GRM3: variants seen among roughly 807,000 people sequenced by gnomAD.
GRM3 encodes the protein glutamate metabotropic receptor 3.
Under a neutral mutation model 70.5 loss-of-function variants are expected in GRM3, and 26 were observed. That is an observed-to-expected ratio of 0.37 (90% CI 0.27 to 0.51). The LOEUF (loss-of-function observed/expected upper bound fraction) is 0.51. GRM3 is among the 20% of genes least tolerant of loss of function. The pLI is 0.93. For missense variants in GRM3, 859 were observed against 1,123.8 expected, an observed-to-expected ratio of 0.76 and a Z score of 3.37; for synonymous variants, 443 against 434.9, an observed-to-expected ratio of 1.02 and a Z score of -0.23.
chr7:86,799,554 T>C (rs1797634904), intron 3 of GRM3, among the ~76,000 whole-genome samples: 2 of 151,818 alleles, frequency 1.3e-5, no homozygotes, highest in South Asian at 4.2e-4. Flanking sequence ...TTAGAAGGAG[T>C]CTCACTCTGT....
At chr7:86,648,728 GA>G (rs146853310) in intron 1 of GRM3, among the ~76,000 whole-genome samples, 12 of 147,288 alleles carry the variant, frequency 8.1e-5, no homozygotes, top group East Asian at 2.0e-4. Context: ...AGAAAAGCCT[GA>G]AAAAAAAAAC....
At chr7:86,723,187 C>A (rs933782822) in intron 1 of GRM3, among the ~76,000 whole-genome samples, 12 of 151,688 alleles carry the variant, frequency 7.9e-5, no homozygotes, top group Non-Finnish European at 1.6e-4. Context: ...ATGGGCAGAA[C>A]CCTATGAAAA....
At chr7:86,700,789 G>A (rs948919235) in intron 1 of GRM3, among the ~76,000 whole-genome samples, 3 of 151,718 alleles carry the variant, frequency 2.0e-5, no homozygotes, top group Non-Finnish European at 4.4e-5. Flanking sequence ...AGAAATTATT[G>A]TTTCTGCTGT....
chr7:86,683,364 C>A (rs1289408022), intron 1 of GRM3, among the ~76,000 whole-genome samples: 1 of 152,104 alleles, frequency 6.6e-6, no homozygotes, highest in East Asian at 1.9e-4. Flanking sequence ...GACATGCTGA[C>A]ATTAGAGTAC....
In GRM3 at chr7:86,756,472, T is replaced by C. The variant is rs1042590715; in HGVS notation, c.-140-8534T>C. The stretch of plus-strand genomic sequence containing the variant: ...GTCTTTATTTCAACTTCTTAAAGTA[T>C]AGTTTAACTGGATAGAGAATTCTGT... On this transcript the variant is annotated intron_variant, in intron 1 of 5. Transcript: ENST00000361669. Among the ~76,000 whole-genome samples the C allele has an allele frequency of 2.6e-5, 4 of 152,196 alleles. No homozygotes were observed. The South Asian group carries it at 6.2e-4, about 24-fold the overall frequency.
intron 4 of GRM3, among the ~76,000 whole-genome samples, chr7:86,840,738 A>G (rs945335699): frequency 1.3e-5 from 2 of 152,196 alleles, no homozygotes; most frequent in Admixed American, 6.5e-5. Context: ...TTTATTCTCT[A>G]TGTTTCTTAA....
chr7:86,772,725 C>T (rs540377849), intron 2 of GRM3, among the ~76,000 whole-genome samples: 2 of 152,198 alleles, frequency 1.3e-5, no homozygotes, highest in South Asian at 4.1e-4. Context: ...ATCCTACCCT[C>T]AAGAAAAGCA....
chr7:86,704,173 A>C (rs758213388), intron 1 of GRM3, among the ~76,000 whole-genome samples: 17 of 152,012 alleles, frequency 1.1e-4, no homozygotes, highest in Admixed American at 1.1e-3. Flanking sequence ...ATTACTAAAA[A>C]GTACTAGCGT....
At chr7:86,820,577 T>A (rs982789074) in intron 3 of GRM3, among the ~76,000 whole-genome samples, 29 of 152,152 alleles carry the variant, frequency 1.9e-4, no homozygotes, top group Non-Finnish European at 3.1e-4. Context: ...CTTTAGAGTG[T>A]TATGATAATA....
intron 1 of GRM3, among the ~76,000 whole-genome samples, chr7:86,659,740 A>G (rs1267814101): frequency 6.6e-6 from 1 of 152,034 alleles, no homozygotes; most frequent in African/African-American, 2.4e-5. Context: ...ATTTTAACAT[A>G]AAATCCTCTC....
At chr7:86,857,228 C>T (rs1043375346) in intron 5 of GRM3, among the ~76,000 whole-genome samples, 2 of 151,726 alleles carry the variant, frequency 1.3e-5, no homozygotes, top group African/African-American at 4.8e-5. Context: ...CATGTAGTCC[C>T]ATAATGTTCA....
intron 1 of GRM3, among the ~76,000 whole-genome samples, chr7:86,702,032 C>T (rs549269349): frequency 6.6e-5 from 10 of 151,946 alleles, no homozygotes; most frequent in South Asian, 4.1e-4. Context: ...AAGACTAGAC[C>T]TACATCATCT....
At chr7:86,812,172 G>T (rs1378122268) in intron 3 of GRM3, among the ~76,000 whole-genome samples, 4 of 151,750 alleles carry the variant, frequency 2.6e-5, no homozygotes, top group African/African-American at 9.7e-5. Flanking sequence ...TAAAAGTAAT[G>T]AGACTGTTAA....
chr7:86,770,365 T>C (rs926366385), intron 2 of GRM3, among the ~76,000 whole-genome samples: 5 of 152,106 alleles, frequency 3.3e-5, no homozygotes, highest in Admixed American at 3.3e-4. Context: ...ATCCCTGGTA[T>C]AGAAATTTTC....
chr7:86,810,350 A>G lies in GRM3; in HGVS notation c.1324+23234A>G, dbSNP rs147772353. ...CACAAACTTTTTAAGAATAACATGG[A>G]TATGATATTAAATGAAAAGATGACA... is the stretch of plus-strand genomic sequence containing the variant. On this transcript the variant is annotated intron_variant, in intron 3 of 5. Coordinates refer to ENST00000361669, the MANE Select transcript of GRM3 (RefSeq NM_000840.3). Among the ~76,000 whole-genome samples the G allele has an allele frequency of 3.3e-4, 50 of 152,172 alleles. No individual in the cohort carries two copies. The East Asian group carries it at 5.4e-3, about 16-fold the overall frequency.
At chr7:86,646,691 T>G (rs1446250661) in intron 1 of GRM3, among the ~76,000 whole-genome samples, 1 of 152,140 alleles carries the variant, frequency 6.6e-6, no homozygotes, top group South Asian at 2.1e-4. Context: ...CATAGAAAAT[T>G]ATGCCAGTAC....
chr7:86,839,712 A>C lies in GRM3; in HGVS notation c.2198A>C (p.Lys733Thr). 1 of 1,614,128 alleles carries C rather than the reference A, an allele frequency of 6.2e-7. No homozygotes were observed. Among genetic ancestry groups the C allele is most frequent in the South Asian group, 1.1e-5 (1 of 91,084 alleles). ...ACAGTCATCCTAAAATGCAATGTCA[A>C]AGATTCCAGCATGTTGATCTCTCTT... ...RETVILKCNV[K>T]DSSMLISLTY... The change falls in exon 4 of 6, where the codon AAA becomes ACA. Residue 733 changes from lysine (K) to threonine (T), a missense_variant. Physicochemically the swap from Lys to Thr is moderately conservative, Grantham distance 78. Transcript: ENST00000361669. The surrounding 1 kb of genome is among the most constrained non-coding windows in gnomAD (Gnocchi z 4.5).
chr7:86,849,943 C>A lies in GRM3; in HGVS notation c.2392-427C>A, dbSNP rs1320826207. Among the ~76,000 whole-genome samples the A allele has an allele frequency of 2.0e-5, 3 of 152,102 alleles. No individual in the cohort carries two copies. The East Asian group carries it at 5.8e-4, about 29-fold the overall frequency. On this transcript the variant is annotated intron_variant, in intron 4 of 5. Transcript: ENST00000361669. Reference sequence around the variant, plus strand: ...TGTAAAAAACAAACAAACAAACAAACAAAACAAATTTGTTTATAATAACCT... The same window carrying A: ...TGTAAAAAACAAACAAACAAACAAAAAAAACAAATTTGTTTATAATAACCT...
intron 4 of GRM3, among the ~76,000 whole-genome samples, chr7:86,849,414 G>A (rs1210608448): frequency 1.3e-5 from 2 of 150,624 alleles, no homozygotes; most frequent in Non-Finnish European, 2.9e-5. Flanking sequence ...TTATGCCACA[G>A]GGCAGGCTGA....
Sources: allele counts gnomAD v4.1 joint callset (sites outside exome capture counted in the v4.1 genomes callset), GRCh38; gene constraint gnomAD v4.1.1; non-coding constraint Gnocchi (gnomAD v3.1); transcripts MANE v1.5; gene names NCBI Gene and HGNC (gene_info 2026-07-23, HGNC 2026-07-21).